The following BAIAP3 variants were observed in gnomAD, a reference collection of about 807,000 sequenced individuals.
The protein encoded by BAIAP3 is BAI1-associated protein 3.
Under a neutral mutation model 149.7 loss-of-function variants are expected in BAIAP3, and 180 were observed. That is an observed-to-expected ratio of 1.20 (90% CI 1.07 to 1.36). BAIAP3 has a LOEUF of 1.36. Ranked by LOEUF, BAIAP3 falls within the 40% of genes most tolerant of loss-of-function variation. The probability of loss-of-function intolerance (pLI) is 0.00; values close to 1 mark genes in which losing one functional copy is unlikely to be tolerated. For synonymous variants in BAIAP3, 845 were observed against 670.7 expected (o/e 1.26, Z -4.02); for missense variants, 1,767 against 1,563.4 (o/e 1.13, Z -2.20).
chr16:1,342,740 C>T lies in BAIAP3; in HGVS notation c.1087C>T (p.Arg363Cys), dbSNP rs1193484254. The change falls in exon 13 of 34, where the codon CGC becomes TGC. Residue 363 changes from arginine (R) to cysteine (C), a missense_variant. Arg to Cys is a radical substitution (Grantham distance 180). Transcript: ENST00000426824. The part of the protein sequence containing the change: ...TTQRDTAMSQ[R>C]GRSGFLSHLL... Reference sequence around the variant, plus strand: ...GCAGAGGGATACGGCCATGAGCCAGCGCGGGCGATCCGGCTTCCTGTCCCA... The same window carrying T: ...GCAGAGGGATACGGCCATGAGCCAGTGCGGGCGATCCGGCTTCCTGTCCCA... 10 of 1,612,350 alleles carry T rather than the reference C, an allele frequency of 6.2e-6. No homozygotes were observed. In the Admixed American group the frequency reaches 1.3e-4, roughly 21 times the overall value.
At position 1,347,781 on chromosome 16, in the gene BAIAP3, G is replaced by A. The variant is rs2034480896; in HGVS notation, c.2985G>A (p.Glu995=). The A allele has an allele frequency of 6.2e-7, 1 of 1,608,844 alleles. No individual in the cohort carries two copies. Among genetic ancestry groups the A allele is most frequent in the Non-Finnish European group, 8.5e-7 (1 of 1,177,062 alleles). The change falls in exon 31 of 34, where the codon GAG becomes GAA. Residue 995 remains glutamate, a synonymous_variant. Coordinates refer to ENST00000426824, the MANE Select transcript of BAIAP3 (RefSeq NM_001199097.2). The stretch of plus-strand genomic sequence containing the variant: ...CGGCTGAGCAGCGGCTGGCCGTGGA[G>A]GTGCTGCACGCCGCGGACCTGCTCC... ...YEAAEQRLAV[E]VLHAADLLPL...
Position 1,347,809 on chromosome 16 carries a change from C to A in BAIAP3, c.3013C>A (p.Leu1005Met), listed in dbSNP as rs574931188. 8.1e-6 allele frequency: 13 copies of A among 1,605,354 alleles called. No individual in the cohort carries two copies. The highest frequency in any genetic ancestry group is 1.1e-5 in the Non-Finnish European group (13 of 1,174,752). The part of the protein sequence containing the change: ...EVLHAADLLP[L>M]DANGLSDPFV... ...GCTGCACGCCGCGGACCTGCTCCCC[C>A]TGGACGCCAACGGTGAGTTGCAGCG... Residue 1005 changes from leucine (L) to methionine (M), a missense_variant, in exon 31 of 34, where the codon CTG (leucine) becomes ATG (methionine). Coordinates refer to ENST00000426824, the MANE Select transcript of BAIAP3 (RefSeq NM_001199097.2).
At chr16:1,335,309 G>A (rs749114423) in intron 1 of BAIAP3, among the ~76,000 whole-genome samples, 47 of 152,354 alleles carry the variant, frequency 3.1e-4, no homozygotes, top group Admixed American at 8.5e-4. Flanking sequence ...CTCCTTGGCG[G>A]TCCTCCCTCT....
At chr16:1,341,685 A>G in intron 8 of BAIAP3, 137 bp from the exon 9 acceptor site, 1 of 1,196,568 alleles carries the variant, frequency 8.4e-7, no homozygotes, top group Non-Finnish European at 1.2e-6. Context: ...ACCTGGCGGG[A>G]TCAGGATTTG....
intron 5 of BAIAP3, 131 bp downstream of exon 5, chr16:1,339,734 G>A: frequency 1.5e-6 from 1 of 685,724 alleles, no homozygotes; most frequent in Non-Finnish European, 2.5e-6. Context: ...CACAGAGACG[G>A]CTGCAGGTGC....
chr16:1,344,253 A>G lies in BAIAP3; in HGVS notation c.1538A>G (p.Gln513Arg). ...TGTCTGGGCAAGCTGCAGCTCTTCC[A>G]ACCCTCCTTTGAGATCTGCCCCTTC... ...LKCLGKLQLF[Q>R]PSFEICPFES... Residue 513 changes from glutamine to arginine, a missense_variant, in exon 17 of 34, where the codon CAA (glutamine) becomes CGA (arginine). Gln to Arg is a conservative substitution (Grantham distance 43). Coordinates refer to ENST00000426824, the MANE Select transcript of BAIAP3 (RefSeq NM_001199097.2). 1 of 1,613,696 alleles carries G rather than the reference A, an allele frequency of 6.2e-7. No homozygotes were observed. The highest frequency in any genetic ancestry group is 8.5e-7 in the Non-Finnish European group (1 of 1,179,978).
rs772370461 is a variant in BAIAP3 at position 1,342,574 on chromosome 16, C to A, written c.1005C>A (p.Arg335=). The A allele has an allele frequency of 1.3e-6, 2 of 1,560,604 alleles. No individual in the cohort carries two copies. The highest frequency in any genetic ancestry group is 2.3e-5 in the South Asian group (2 of 85,162). The change falls in exon 12 of 34, where the codon CGC becomes CGA. Residue 335 remains arginine (R), a synonymous_variant. Transcript: ENST00000426824. ...GVDRWFKLEP[R]SSASRVQGHC... ...ACCGCTGGTTCAAGCTGGAGCCACG[C>A]TCCAGTGCCTCGCGTGTGCAGGGAC...
In BAIAP3 at chr16:1,335,581, C is replaced by T. The variant is rs1366317948; in HGVS notation, c.-11+1832C>T. On this transcript the variant is annotated intron_variant, in intron 1 of 33. Transcript: ENST00000426824. ...ATATGCCCACCATTCACAGCAGCTCCGGCCTCTGTGGCAGGTGGCTCCCAG... is the reference window on the plus strand; with the variant it reads ...ATATGCCCACCATTCACAGCAGCTCTGGCCTCTGTGGCAGGTGGCTCCCAG... Among the ~76,000 whole-genome samples, 8 of 152,352 alleles carry T rather than the reference C, an allele frequency of 5.3e-5. No individual in the cohort carries two copies. In the East Asian group the frequency reaches 7.7e-4, roughly 15 times the overall value.
rs374379669 is a variant in BAIAP3, at chr16:1,345,033, C to T, written c.1874C>T (p.Ser625Leu). 27 of 1,612,332 alleles carry T rather than the reference C, an allele frequency of 1.7e-5. No homozygotes were observed. The highest frequency in any genetic ancestry group is 2.0e-5 in the Non-Finnish European group (24 of 1,180,018). The change falls in exon 21 of 34, where the codon TCG becomes TTG. Residue 625 changes from serine (S) to leucine (L), a missense_variant. Ser to Leu is a moderately radical substitution (Grantham distance 145). Coordinates refer to ENST00000426824, the MANE Select transcript of BAIAP3 (RefSeq NM_001199097.2). ...LSPKMTLEVA[S>L]GLFELYLTLA... ...CCCAAGATGACCCTGGAGGTGGCCT[C>T]GGGGCTCTTTGAGCTCTACCTGACC... is the stretch of plus-strand genomic sequence containing the variant.
rs545837109 is a variant in BAIAP3, at chr16:1,349,183, G to A, written c.*701G>A. 2.5e-4 allele frequency: 133 copies of A among 540,526 alleles called. No individual in the cohort carries two copies. The highest frequency in any genetic ancestry group is 9.0e-4 in the South Asian group (45 of 49,836). 33.5% of individuals were successfully genotyped at this position (540,526 alleles called of 1,614,324 possible). A position where few individuals can be genotyped will look rare whatever the true frequency, so the allele number is the denominator to read the frequency against. On this transcript the variant is annotated 3_prime_UTR_variant, in exon 34 of 34. Transcript: ENST00000426824. ...CTCCACGACCCTTCCAGGCAGAGCC[G>A]AGAGTTCGCCCCAACCCTTCCCCAG...
At position 1,339,259 on chromosome 16, in the gene BAIAP3, C is replaced by T. The variant is rs923080069; in HGVS notation, c.300+15C>T. 5.8e-6 allele frequency: 9 copies of T among 1,556,242 alleles called. No individual in the cohort carries two copies. The highest frequency in any genetic ancestry group is 2.4e-5 in the East Asian group (1 of 42,184). On this transcript the variant is annotated intron_variant, in intron 4 of 33. Transcript: ENST00000426824. ...CCCCAGAGGAGGTAAAGGTGGGGGT[C>T]GGAACCAGGGGCAGTCGTCTGCAGC...
intron 14 of BAIAP3, 71 bp from the exon 15 acceptor site, chr16:1,343,322 C>T: frequency 2.6e-6 from 4 of 1,539,216 alleles, no homozygotes; most frequent in Middle Eastern, 2.3e-4. Context: ...AGGGGTAGTG[C>T]TGTAGGCGGT....
In BAIAP3 at chr16:1,346,948, C is replaced by T. The variant is rs1362438450; in HGVS notation, c.2744C>T (p.Thr915Met). Residue 915 changes from threonine to methionine, a missense_variant, in exon 28 of 34, where the codon ACG becomes ATG. Transcript: ENST00000426824. ...SADFYSRFHF[T>M]LEALVSFFHA... ...GATTTCTACAGCCGCTTCCATTTCA[C>T]GCTGGAGGTAGAGCTCTGTGAAGGA... The T allele has an allele frequency of 5.0e-6, 8 of 1,608,518 alleles. No homozygotes were observed. The highest frequency in any genetic ancestry group is 5.9e-6 in the Non-Finnish European group (7 of 1,178,484).
chr16:1,339,042 C>G (rs955947106), intron 3 of BAIAP3, 53 bp downstream of exon 3: 2 of 1,607,384 alleles, frequency 1.2e-6, no homozygotes, highest in African/African-American at 2.7e-5. Flanking sequence ...GGGGCTCCCC[C>G]TTTGCTCCTC....
At chr16:1,334,574 C>A in intron 1 of BAIAP3, 2 of 1,309,866 alleles carry the variant, frequency 1.5e-6, no homozygotes, top group Admixed American at 2.1e-5. Context: ...GCGCCAGCGG[C>A]TGGACCTTGG....
rs2034138664 is a variant in BAIAP3, at chr16:1,344,156, G to C, written c.1511+10G>C. On this transcript the variant is annotated intron_variant, in intron 16 of 33. Coordinates refer to ENST00000426824, the MANE Select transcript of BAIAP3 (RefSeq NM_001199097.2). ...TGGAGCTGCTGCTGAAGTGGGTGCAGCGCCGCGTGTCAGCGTGGGTGGGGG... is the reference window on the plus strand; with the variant it reads ...TGGAGCTGCTGCTGAAGTGGGTGCACCGCCGCGTGTCAGCGTGGGTGGGGG... The C allele has an allele frequency of 1.2e-6, 2 of 1,611,918 alleles. No individual in the cohort carries two copies. The highest frequency in any genetic ancestry group is 4.5e-5 in the East Asian group (2 of 44,878).
At position 1,349,204 on chromosome 16, in the gene BAIAP3, C is replaced by T; in HGVS notation, c.*722C>T. The T allele has an allele frequency of 1.7e-6, 1 of 581,086 alleles. No homozygotes were observed. Among genetic ancestry groups the T allele is most frequent in the Non-Finnish European group, 3.1e-6 (1 of 325,288 alleles). The allele number at this position is 581,086 out of a possible 1,614,324, so 36.0% of individuals were successfully genotyped here. On this transcript the variant is annotated 3_prime_UTR_variant, in exon 34 of 34. Coordinates refer to ENST00000426824, the MANE Select transcript of BAIAP3 (RefSeq NM_001199097.2). ...AGCCGAGAGTTCGCCCCAACCCTTC[C>T]CCAGGCCCAGTGTGAAAAACAGACT... is the stretch of plus-strand genomic sequence containing the variant.
At chr16:1,341,217 C>T in intron 7 of BAIAP3, 22 bp downstream of exon 7, 2 of 1,609,722 alleles carry the variant, frequency 1.2e-6, no homozygotes, top group Non-Finnish European at 8.5e-7. Flanking sequence ...CCCAGCAGAC[C>T]TCGGCTGCGC....
Position 1,342,222 on chromosome 16 carries a change from C to T in BAIAP3, c.896C>T (p.Thr299Ile). 6.2e-7 allele frequency: 1 copy of T among 1,609,458 alleles called. No individual in the cohort carries two copies. The highest frequency in any genetic ancestry group is 1.1e-5 in the South Asian group (1 of 90,860). Residue 299 changes from threonine (T) to isoleucine (I), a missense_variant, in exon 11 of 34, where the codon ACA becomes ATA. By Grantham distance (89) the Thr-to-Ile change is moderately conservative. Coordinates refer to ENST00000426824, the MANE Select transcript of BAIAP3 (RefSeq NM_001199097.2). ...GTCAAGTCAGCCCGCGCAAACGGGA[C>T]AGCAGGACCCACCGAGGACCACACC... ...QIVKSARANG[T>I]AGPTEDHTDD...
Sources: allele counts gnomAD v4.1 joint callset (sites outside exome capture counted in the v4.1 genomes callset), GRCh38; gene constraint gnomAD v4.1.1; transcripts MANE v1.5; gene names NCBI Gene and HGNC (gene_info 2026-07-23, HGNC 2026-07-21).